Variants in AGAP1 observed in about 807,000 individuals in gnomAD.
AGAP1 encodes the protein ArfGAP with GTPase domain, ankyrin repeat and PH domain 1.
Under a neutral mutation model 105.3 loss-of-function variants are expected in AGAP1, and 29 were observed. The observed-to-expected ratio is 0.28, with a 90% CI of 0.21 to 0.38. The LOEUF (loss-of-function observed/expected upper bound fraction) is 0.38, where lower values mean the gene tolerates loss of function less well. Ranked by LOEUF, AGAP1 falls within the 10% of genes least tolerant of loss-of-function variation. The pLI is 1.00. For missense variants in AGAP1, 998 were observed against 1,165.1 expected, an observed-to-expected ratio of 0.86 and a Z score of 2.09; for synonymous variants, 509 against 485.9, an observed-to-expected ratio of 1.05 and a Z score of -0.63.
rs2058097406 is a variant in AGAP1 at position 236,058,118 on chromosome 2, G to A, written c.2114+8837G>A. Among the ~76,000 whole-genome samples the A allele has an allele frequency of 1.3e-5, 2 of 152,208 alleles. No individual in the cohort carries two copies. The highest frequency in any genetic ancestry group is 6.5e-5 in the Admixed American group (1 of 15,284). Reference sequence around the variant, plus strand: ...TCCCTAGGGGGTAGGGTCCAGTGGTGTGTTTTAACTCTCTAGGTAATTCTT... The same window carrying A: ...TCCCTAGGGGGTAGGGTCCAGTGGTATGTTTTAACTCTCTAGGTAATTCTT... On this transcript the variant is annotated intron_variant, in intron 16 of 17. Coordinates refer to ENST00000304032, the MANE Select transcript of AGAP1 (RefSeq NM_001037131.3). The surrounding 1 kb of genome is among the most constrained non-coding windows in gnomAD (Gnocchi z 4.6).
At chr2:235,800,234 G>T (rs1957431192) in intron 8 of AGAP1, among the ~76,000 whole-genome samples, 1 of 151,540 alleles carries the variant, frequency 6.6e-6, no homozygotes, top group African/African-American at 2.4e-5. Context: ...AAGTAGCTGG[G>T]ACCATAGGCA....
intron 1 of AGAP1, among the ~76,000 whole-genome samples, chr2:235,570,478 T>C (rs796677923): frequency 6.6e-6 from 1 of 152,350 alleles, no homozygotes; most frequent in East Asian, 1.9e-4. Flanking sequence ...ACAAATATGC[T>C]TGGGTCCCTT....
Position 236,123,959 on chromosome 2 carries a change from C to T in AGAP1, c.2411C>T (p.Thr804Ile), listed in dbSNP as rs755465846. 3.1e-6 allele frequency: 5 copies of T among 1,613,846 alleles called. No homozygotes were observed. In the South Asian group the frequency reaches 5.5e-5, roughly 18 times the overall value. Reference protein sequence around the residue: ...DVTARDAHGNTALAYARQASS... With the variant: ...DVTARDAHGNIALAYARQASS... The stretch of plus-strand genomic sequence containing the variant: ...ACGGCCCGAGATGCCCACGGGAACA[C>T]AGCTCTGGCCTACGCCCGGCAGGCC... Residue 804 changes from threonine (T) to isoleucine (I), a missense_variant, in exon 18 of 18, where the codon ACA (threonine) becomes ATA (isoleucine). Coordinates refer to ENST00000304032, the MANE Select transcript of AGAP1 (RefSeq NM_001037131.3). The surrounding 1 kb of genome is among the most constrained non-coding windows in gnomAD (Gnocchi z 4.6).
chr2:235,652,546 C>G (rs773279948), intron 1 of AGAP1, among the ~76,000 whole-genome samples: 3 of 152,126 alleles, frequency 2.0e-5, no homozygotes, highest in Admixed American at 1.3e-4. Context: ...CATTTCAGAG[C>G]CATCACTGAA....
Position 236,096,437 on chromosome 2 carries a change from G to A in AGAP1, c.2115-23755G>A, listed in dbSNP as rs1262251489. ...AATCCCTTGAACCTGAGAGGCAGAG[G>A]TTGCAGTGAGCCAAGATCGCACCAC... On this transcript the variant is annotated intron_variant, in intron 16 of 17. Coordinates refer to ENST00000304032, the MANE Select transcript of AGAP1 (RefSeq NM_001037131.3). The surrounding 1 kb of genome is among the most constrained non-coding windows in gnomAD (Gnocchi z 4.4). Among the ~76,000 whole-genome samples the A allele has an allele frequency of 2.6e-5, 4 of 151,042 alleles. No homozygotes were observed. The highest frequency in any genetic ancestry group is 7.3e-5 in the African/African-American group (3 of 41,128).
rs139525983 is a variant in AGAP1, at chr2:235,750,143, G to C, written c.539-211G>C. Among the ~76,000 whole-genome samples the C allele has an allele frequency of 6.6e-6, 1 of 152,122 alleles. No individual in the cohort carries two copies. The highest frequency in any genetic ancestry group is 6.5e-5 in the Admixed American group (1 of 15,278). Reference sequence around the variant, plus strand: ...ATTTTAAAATTGCAGTTTCAGAAGCGCTCCTGTAAAACAAATATCTACGAA... The same window carrying C: ...ATTTTAAAATTGCAGTTTCAGAAGCCCTCCTGTAAAACAAATATCTACGAA... On this transcript the variant is annotated intron_variant, in intron 5 of 17. Coordinates refer to ENST00000304032, the MANE Select transcript of AGAP1 (RefSeq NM_001037131.3). The surrounding 1 kb of genome is among the most constrained non-coding windows in gnomAD (Gnocchi z 5.3).
intron 6 of AGAP1, among the ~76,000 whole-genome samples, chr2:235,766,400 A>G (rs1402904995): frequency 6.6e-6 from 1 of 152,176 alleles, no homozygotes; most frequent in Non-Finnish European, 1.5e-5. Flanking sequence ...ACTAGGGGGC[A>G]TTGAAAGCGC....
At chr2:235,619,543 C>T (rs1946411036) in intron 1 of AGAP1, among the ~76,000 whole-genome samples, 1 of 149,480 alleles carries the variant, frequency 6.7e-6, no homozygotes. Flanking sequence ...AAACCTGGGG[C>T]TGAAGTGGGG....
intron 1 of AGAP1, among the ~76,000 whole-genome samples, chr2:235,584,620 C>A (rs1006199666): frequency 3.3e-5 from 5 of 151,782 alleles, no homozygotes; most frequent in Admixed American, 1.3e-4. Flanking sequence ...TCCCCTCCCC[C>A]AGCCTTCATA....
At position 235,893,546 on chromosome 2, in the gene AGAP1, G is replaced by C. The variant is rs995629827; in HGVS notation, c.1155+10097G>C. Reference sequence around the variant, plus strand: ...CGAGGGTGCACCATGTCTGTGGTGCGGGTGTGCCGTGTCCATCATGAGGGT... The same window carrying C: ...CGAGGGTGCACCATGTCTGTGGTGCCGGTGTGCCGTGTCCATCATGAGGGT... On this transcript the variant is annotated intron_variant, in intron 10 of 17. Coordinates refer to ENST00000304032, the MANE Select transcript of AGAP1 (RefSeq NM_001037131.3). The surrounding 1 kb of genome is among the most constrained non-coding windows in gnomAD (Gnocchi z 4.7). 2.0e-5 allele frequency among the ~76,000 whole-genome samples: 3 copies of C among 152,074 alleles called. No homozygotes were observed. Among genetic ancestry groups the C allele is most frequent in the Non-Finnish European group, 4.4e-5 (3 of 68,000 alleles).
At chr2:235,819,163 A>G (rs1334727161) in intron 9 of AGAP1, among the ~76,000 whole-genome samples, 1 of 149,488 alleles carries the variant, frequency 6.7e-6, no homozygotes, top group African/African-American at 2.5e-5. Context: ...ACCCAGGCTG[A>G]AATAAAATGG....
rs147998723 is a variant in AGAP1, at chr2:235,786,194, C to A, written c.674-11565C>A. ...AATTTACTGGGATATTCACTTGCCT[C>A]GTCTTGGAAGACGCTGATTTGCATC... On this transcript the variant is annotated intron_variant, in intron 6 of 17. Transcript: ENST00000304032. 5.9e-3 allele frequency among the ~76,000 whole-genome samples: 892 copies of A among 152,316 alleles called. 11 individuals are homozygous for A. The highest frequency in any genetic ancestry group is 0.02 in the African/African-American group (843 of 41,560).
At position 235,614,108 on chromosome 2, in the gene AGAP1, A is replaced by G. The variant is rs1353200372; in HGVS notation, c.164-95071A>G. 2.0e-5 allele frequency among the ~76,000 whole-genome samples: 3 copies of G among 151,742 alleles called. No individual in the cohort carries two copies. The highest frequency in any genetic ancestry group is 2.9e-5 in the Non-Finnish European group (2 of 68,000). On this transcript the variant is annotated intron_variant, in intron 1 of 17. Coordinates refer to ENST00000304032, the MANE Select transcript of AGAP1 (RefSeq NM_001037131.3). The surrounding 1 kb of genome is among the most constrained non-coding windows in gnomAD (Gnocchi z 4.7). ...TCATATATTGATTCACCAAATATTG[A>G]TTGTACATCTGCGAATGTGCTAGAT... is the stretch of plus-strand genomic sequence containing the variant.
intron 1 of AGAP1, among the ~76,000 whole-genome samples, chr2:235,704,943 G>A (rs1285800448): frequency 2.9e-5 from 4 of 140,200 alleles, no homozygotes; most frequent in South Asian, 2.5e-4. Flanking sequence ...CACCAACGTC[G>A]ATTGTAAAAT....
chr2:236,066,880 T>C (rs564547981), intron 16 of AGAP1, among the ~76,000 whole-genome samples: 2 of 152,320 alleles, frequency 1.3e-5, no homozygotes, highest in African/African-American at 4.8e-5. Context: ...CTTAGAAAAT[T>C]CATGGAAATG....
At chr2:235,909,950 G>C (rs1182182676) in intron 11 of AGAP1, among the ~76,000 whole-genome samples, 2 of 152,110 alleles carry the variant, frequency 1.3e-5, no homozygotes, top group African/African-American at 4.8e-5. Context: ...GAACCCAGGA[G>C]GCAGAGGTTG....
chr2:236,049,658 A>G (rs1387487112), intron 16 of AGAP1: 1 of 160,970 alleles, frequency 6.2e-6, no homozygotes, highest in Non-Finnish European at 1.4e-5. Context: ...TTGGATAAGC[A>G]TCTGCTCTGT....
chr2:235,906,547 G>C lies in AGAP1; in HGVS notation c.1156-2191G>C, dbSNP rs568306630. Among the ~76,000 whole-genome samples the C allele has an allele frequency of 8.5e-5, 13 of 152,216 alleles. No individual in the cohort carries two copies. In the South Asian group the frequency reaches 2.1e-3, roughly 24 times the overall value. On this transcript the variant is annotated intron_variant, in intron 10 of 17. Coordinates refer to ENST00000304032, the MANE Select transcript of AGAP1 (RefSeq NM_001037131.3). This position sits in a 1 kb window ranked among gnomAD's most constrained non-coding sequence, Gnocchi z 5.3. Reference sequence around the variant, plus strand: ...TGTGGCTGTGCCCTCATGTAAAGAGGTTCTCCTCCCGCCCGTCCTGCCGTT... The same window carrying C: ...TGTGGCTGTGCCCTCATGTAAAGAGCTTCTCCTCCCGCCCGTCCTGCCGTT...
intron 3 of AGAP1, among the ~76,000 whole-genome samples, chr2:235,718,857 G>GA (rs1469122186): frequency 6.6e-6 from 1 of 152,208 alleles, no homozygotes; most frequent in Non-Finnish European, 1.5e-5. Context: ...ACAGATGCCA[G>GA]AAAATGGCAT....
Sources: allele counts gnomAD v4.1 joint callset (sites outside exome capture counted in the v4.1 genomes callset), GRCh38; gene constraint gnomAD v4.1.1; non-coding constraint Gnocchi (gnomAD v3.1); transcripts MANE v1.5; gene names NCBI Gene and HGNC (gene_info 2026-07-23, HGNC 2026-07-21).